Variants in TRRAP observed in about 807,000 individuals in gnomAD.
TRRAP encodes transformation/transcription domain-associated protein.
Under a neutral mutation model 438.8 loss-of-function variants are expected in TRRAP, and 41 were observed. That is an observed-to-expected ratio of 0.09 (90% CI 0.07 to 0.12). The LOEUF (loss-of-function observed/expected upper bound fraction) is 0.12, where lower values mean the gene tolerates loss of function less well. TRRAP is among the 10% of genes least tolerant of loss of function. The pLI is 1.00. For synonymous variants in TRRAP, 1,994 were observed against 1,962.9 expected, an observed-to-expected ratio of 1.02 and a Z score of -0.42; for missense variants, 3,122 against 5,055.1, an observed-to-expected ratio of 0.62 and a Z score of 11.60.
At chr7:98,985,157 C>A in intron 62 of TRRAP, 113 bp downstream of exon 62, 1 of 746,060 alleles carries the variant, frequency 1.3e-6, no homozygotes. Context: ...GATTTGGTGA[C>A]AGTCATTAGG....
intron 6 of TRRAP, among the ~76,000 whole-genome samples, chr7:98,894,371 A>G (rs903941329): frequency 6.6e-6 from 1 of 152,176 alleles, no homozygotes; most frequent in African/African-American, 2.4e-5. Context: ...ATTGGCATCT[A>G]CCTATACAGT....
chr7:98,915,035 T>TAGTA (rs1554409367), intron 18 of TRRAP, among the ~76,000 whole-genome samples: 1 of 152,234 alleles, frequency 6.6e-6, no homozygotes, highest in Admixed American at 6.5e-5. Context: ...TGATTAAAGC[T>TAGTA]AGTATGATCT....
chr7:98,923,229 C>T (rs1233949206), intron 21 of TRRAP, among the ~76,000 whole-genome samples: 6 of 152,164 alleles, frequency 3.9e-5, no homozygotes, highest in South Asian at 2.1e-4. Context: ...AAAGCTCCCC[C>T]CACCCCCAAA....
At chr7:98,882,750 C>T (rs1404281848) in intron 3 of TRRAP, among the ~76,000 whole-genome samples, 1 of 152,162 alleles carries the variant, frequency 6.6e-6, no homozygotes, top group Admixed American at 6.5e-5. Flanking sequence ...CAACCTCCAC[C>T]TCCCGGATTC....
intron 18 of TRRAP, 92 bp downstream of exon 18, chr7:98,912,305 C>A: frequency 1.5e-6 from 2 of 1,374,656 alleles, no homozygotes; most frequent in African/African-American, 1.5e-5. Context: ...GGCTGGTCAG[C>A]GTTCTGGACT....
rs1375918088 is a variant in TRRAP at position 99,011,494 on chromosome 7, A to G, written c.11296A>G (p.Met3766Val). 5.0e-6 allele frequency: 8 copies of G among 1,614,128 alleles called. No individual in the cohort carries two copies. Among genetic ancestry groups the G allele is most frequent in the South Asian group, 1.1e-5 (1 of 91,092 alleles). ...IGVSGPLTASMIAVARCFAQP... is the reference protein window; with the variant it reads ...IGVSGPLTASVIAVARCFAQP... ...GGTCTCCGGCCCGTTGACAGCGTCCATGATTGCGGTCGCCCGGTGCTTCGC... is the reference window on the plus strand; with the variant it reads ...GGTCTCCGGCCCGTTGACAGCGTCCGTGATTGCGGTCGCCCGGTGCTTCGC... The change falls in exon 72 of 73, where the codon ATG becomes GTG. Residue 3766 changes from methionine (M) to valine (V), a missense_variant. This residue lies in a region of TRRAP where 192 missense variants were observed against 355.6 expected (regional missense o/e 0.54). Coordinates refer to ENST00000456197, the MANE Select transcript of TRRAP (RefSeq NM_001375524.1). This position sits in a 1 kb window ranked among gnomAD's most constrained non-coding sequence, Gnocchi z 7.1.
At position 99,005,799 on chromosome 7, in the gene TRRAP, A is replaced by C. The variant is rs1794136764; in HGVS notation, c.10753+451A>C. 6.6e-6 allele frequency among the ~76,000 whole-genome samples: 1 copy of C among 151,652 alleles called. No homozygotes were observed. Among genetic ancestry groups the C allele is most frequent in the Non-Finnish European group, 1.5e-5 (1 of 67,974 alleles). ...CCAAAAGATTGGACATCCCTGTTCTAAGGTCTTTTGCACTCTACGGAGTGG... is the reference window on the plus strand; with the variant it reads ...CCAAAAGATTGGACATCCCTGTTCTCAGGTCTTTTGCACTCTACGGAGTGG... On this transcript the variant is annotated intron_variant, in intron 69 of 72. Transcript: ENST00000456197. The surrounding 1 kb of genome is among the most constrained non-coding windows in gnomAD (Gnocchi z 5.1).
chr7:98,992,770 T>TGTCTC (rs753872332), intron 65 of TRRAP, among the ~76,000 whole-genome samples: 5 of 152,166 alleles, frequency 3.3e-5, no homozygotes, highest in Non-Finnish European at 4.4e-5. Context: ...CTTTAAATAA[T>TGTCTC]GAGACGACCG....
At position 98,993,518 on chromosome 7, in the gene TRRAP, G is replaced by A. The variant is rs752265353; in HGVS notation, c.9848-20G>A. On this transcript the variant is annotated intron_variant, in intron 65 of 72. Transcript: ENST00000456197. Reference sequence around the variant, plus strand: ...CTGTCGGTTTTGCGCTGACACTGGCGTTGTGTGTGTTGCTCTCAGATTCTG... The same window carrying A: ...CTGTCGGTTTTGCGCTGACACTGGCATTGTGTGTGTTGCTCTCAGATTCTG... 1.8e-5 allele frequency: 29 copies of A among 1,605,690 alleles called. No homozygotes were observed. Among genetic ancestry groups the A allele is most frequent in the South Asian group, 8.8e-5 (8 of 91,076 alleles).
At chr7:98,923,663 A>G (rs1486543103) in intron 21 of TRRAP, among the ~76,000 whole-genome samples, 3 of 152,208 alleles carry the variant, frequency 2.0e-5, no homozygotes, top group Non-Finnish European at 4.4e-5. Context: ...GAGCACGGAC[A>G]CTCAAGCTGG....
rs554463729 is a variant in TRRAP, at chr7:98,942,559, C to T, written c.4405-390C>T. ...GTTTACCTTTTTCCTCATCAGACCA[C>T]GGGCTCCGCAAGGAGAGGGACATCA... On this transcript the variant is annotated intron_variant, in intron 30 of 72. Transcript: ENST00000456197. 3.9e-5 allele frequency among the ~76,000 whole-genome samples: 6 copies of T among 152,322 alleles called. No individual in the cohort carries two copies. The South Asian group carries it at 6.2e-4, about 16-fold the overall frequency.
At chr7:98,909,019 ATTTTTT>A (rs879955419) in intron 14 of TRRAP, 57 bp downstream of exon 14, 31 of 1,091,034 alleles carry the variant, frequency 2.8e-5, no homozygotes, top group Non-Finnish European at 3.3e-5. Flanking sequence ...TTGTGGCTAA[ATTTTTT>A]TTTTTTTTTT....
rs1254628849 is a variant in TRRAP at position 98,880,045 on chromosome 7, G to T, written c.-61-1045G>T. ...AAACCAAGTCTCCATCTGTGTGTCA[G>T]CTGGGAGCAGCCACTGAGTGCCTGC... On this transcript the variant is annotated intron_variant, in intron 1 of 72. Transcript: ENST00000456197. Among the ~76,000 whole-genome samples the T allele has an allele frequency of 4.6e-5, 7 of 152,204 alleles. No individual in the cohort carries two copies. In the South Asian group the frequency reaches 1.4e-3, roughly 32 times the overall value.
At position 98,992,127 on chromosome 7, in the gene TRRAP, C is replaced by T. The variant is rs1310156646; in HGVS notation, c.9757-10C>T. 1 of 1,614,050 alleles carries T rather than the reference C, an allele frequency of 6.2e-7. No homozygotes were observed. Among genetic ancestry groups the T allele is most frequent in the Non-Finnish European group, 8.5e-7 (1 of 1,179,900 alleles). ...AGCAGCACTGTTTATAACATCTTGT[C>T]TCTGAGCAGGTTGGACGCGTGTATC... is the stretch of plus-strand genomic sequence containing the variant. On this transcript the variant is annotated splice_polypyrimidine_tract_variant and intron_variant, in intron 64 of 72. Coordinates refer to ENST00000456197, the MANE Select transcript of TRRAP (RefSeq NM_001375524.1).
At chr7:99,002,276 CGCACACACACGT>C (rs1249869235) in intron 67 of TRRAP, among the ~76,000 whole-genome samples, 9 of 152,180 alleles carry the variant, frequency 5.9e-5, no homozygotes, top group Non-Finnish European at 1.2e-4. Flanking sequence ...CACACATGTG[CGCACACACACGT>C]GCACACATAA....
chr7:98,937,556 C>T lies in TRRAP; in HGVS notation c.4234-94C>T, dbSNP rs757852355. 4.6e-4 allele frequency: 612 copies of T among 1,333,464 alleles called. 2 individuals are homozygous for T. The highest frequency in any genetic ancestry group is 5.7e-4 in the Non-Finnish European group (566 of 994,592). The allele number at this position is 1,333,464 out of a possible 1,614,324, so 82.6% of individuals were successfully genotyped here. ...AATATTCCATCTTCCTAAAGGAGAA[C>T]GGAAACTTGCAGCTAAGGTTGAAGA... On this transcript the variant is annotated intron_variant, in intron 29 of 72. Transcript: ENST00000456197.
chr7:98,910,367 G>A lies in TRRAP; in HGVS notation c.1662G>A (p.Val554=). The A allele has an allele frequency of 6.2e-7, 1 of 1,609,832 alleles. No individual in the cohort carries two copies. Among genetic ancestry groups the A allele is most frequent in the Non-Finnish European group, 8.5e-7 (1 of 1,179,018 alleles). ...GTCGAAGTTTGGTCAAAACCTTGGTGTGTGGTGTCAAGACAATCACGTGGG... is the reference window on the plus strand; with the variant it reads ...GTCGAAGTTTGGTCAAAACCTTGGTATGTGGTGTCAAGACAATCACGTGGG... The part of the protein sequence containing the change: ...TDCRSLVKTL[V]CGVKTITWGI... The change falls in exon 15 of 73, where the codon GTG becomes GTA. Residue 554 remains valine, a synonymous_variant. Coordinates refer to ENST00000456197, the MANE Select transcript of TRRAP (RefSeq NM_001375524.1).
chr7:98,928,716 T>G (rs2116502126), intron 23 of TRRAP, among the ~76,000 whole-genome samples: 1 of 152,300 alleles, frequency 6.6e-6, no homozygotes, highest in South Asian at 2.1e-4. Flanking sequence ...GCCTATTTAA[T>G]AATTTTTTTA....
Position 98,976,727 on chromosome 7 carries a change from C to A in TRRAP, c.8204C>A (p.Thr2735Lys). Residue 2735 changes from threonine to lysine, a missense_variant, in exon 55 of 73, where the codon ACA becomes AAA. Around this residue, in one of 24 missense-constraint regions of TRRAP, gnomAD observed 992 missense variants for 1,281.2 expected, o/e 0.77. Coordinates refer to ENST00000456197, the MANE Select transcript of TRRAP (RefSeq NM_001375524.1). This position sits in a 1 kb window ranked among gnomAD's most constrained non-coding sequence, Gnocchi z 4.6. ...AGTCTTCAGATTAAGCCGAAGCAAACAACGGAGTTTTATGAGCAGGAGAGC... is the reference window on the plus strand; with the variant it reads ...AGTCTTCAGATTAAGCCGAAGCAAAAAACGGAGTTTTATGAGCAGGAGAGC... ...GLSLQIKPKQ[T>K]TEFYEQESIT... 6.2e-7 allele frequency: 1 copy of A among 1,614,014 alleles called. No individual in the cohort carries two copies. The highest frequency in any genetic ancestry group is 8.5e-7 in the Non-Finnish European group (1 of 1,180,034).
Sources: allele counts gnomAD v4.1 joint callset (sites outside exome capture counted in the v4.1 genomes callset), GRCh38; gene constraint gnomAD v4.1.1; regional missense constraint gnomAD v4.1.1; non-coding constraint Gnocchi (gnomAD v3.1); transcripts MANE v1.5; gene names NCBI Gene and HGNC (gene_info 2026-07-23, HGNC 2026-07-21).